RUNX1T1: variants seen among roughly 807,000 people sequenced by gnomAD.
RUNX1T1 encodes RUNX1 partner transcriptional co-repressor 1, also known as protein CBFA2T1.
A neutral mutation model predicts 62.8 loss-of-function variants in RUNX1T1; 4 were observed. The ratio of observed to expected loss-of-function variants is 0.06; its 90% confidence interval spans 0.03 to 0.15. RUNX1T1 has a LOEUF of 0.15. Among genes scored for constraint, RUNX1T1 ranks in the 10% least tolerant of loss-of-function variants. RUNX1T1 has a pLI of 1.00. For synonymous variants in RUNX1T1, 291 were observed against 286.0 expected (o/e 1.02, Z -0.18); for missense variants, 508 against 754.3 (o/e 0.67, Z 3.82).
chr8:92,009,177 CA>C (rs1215843564), intron 4 of RUNX1T1, among the ~76,000 whole-genome samples: 1 of 152,134 alleles, frequency 6.6e-6, no homozygotes, highest in Non-Finnish European at 1.5e-5. Flanking sequence ...TATGGTAATA[CA>C]AAGCAATTTT....
chr8:91,994,823 G>A (rs771808090), intron 5 of RUNX1T1, among the ~76,000 whole-genome samples: 6 of 152,264 alleles, frequency 3.9e-5, no homozygotes, highest in Admixed American at 6.5e-5. Flanking sequence ...AAAAGTCTGC[G>A]GCTAAAATCA....
intron 2 of RUNX1T1, among the ~76,000 whole-genome samples, chr8:92,015,888 T>A (rs1822893239): frequency 6.6e-6 from 1 of 152,202 alleles, no homozygotes; most frequent in Non-Finnish European, 1.5e-5. Flanking sequence ...AGGAGACATA[T>A]GCTTACCCCT....
chr8:91,960,336 C>A (rs1810162926), exon 11 of RUNX1T1: 2 of 1,613,328 alleles, frequency 1.2e-6, no homozygotes, highest in South Asian at 1.1e-5. Context: ...CCCAGCCCCG[C>A]TGTTGGGCGT....
intron 1 of RUNX1T1, among the ~76,000 whole-genome samples, chr8:92,032,250 CAAT>C (rs1826405126): frequency 1.3e-5 from 2 of 150,020 alleles, no homozygotes; most frequent in Non-Finnish European, 3.0e-5. Flanking sequence ...ATTTAGTATA[CAAT>C]AATTTCTCAT....
At chr8:92,030,787 C>G (rs1826072255) in intron 1 of RUNX1T1, among the ~76,000 whole-genome samples, 1 of 152,218 alleles carries the variant, frequency 6.6e-6, no homozygotes, top group South Asian at 2.1e-4. Flanking sequence ...CAATGGAATT[C>G]TCTTGGACCC....
intron 1 of RUNX1T1, among the ~76,000 whole-genome samples, chr8:92,019,428 G>A (rs139706705): frequency 4.6e-5 from 7 of 152,022 alleles, no homozygotes; most frequent in African/African-American, 1.4e-4. Flanking sequence ...GAGGGGGAGG[G>A]GAAGTGGGAG....
chr8:91,984,859 A>T (rs879484538), intron 8 of RUNX1T1, among the ~76,000 whole-genome samples: 14 of 152,226 alleles, frequency 9.2e-5, no homozygotes, highest in Non-Finnish European at 1.8e-4. Context: ...GACCTGACAA[A>T]TACAATTTTG....
At chr8:92,048,688 T>G (rs1829787356) in intron 1 of RUNX1T1, among the ~76,000 whole-genome samples, 3 of 151,994 alleles carry the variant, frequency 2.0e-5, no homozygotes, top group African/African-American at 2.4e-5. Context: ...TTAAGTACAT[T>G]GTATCTCGTA....
chr8:91,967,174 TG>T (rs1811812125), intron 10 of RUNX1T1, among the ~76,000 whole-genome samples: 1 of 152,182 alleles, frequency 6.6e-6, no homozygotes, highest in African/African-American at 2.4e-5. Context: ...ATACCATGCC[TG>T]GTTCAGAGTT....
chr8:92,013,162 T>G (rs1822312358), intron 3 of RUNX1T1, among the ~76,000 whole-genome samples: 1 of 152,176 alleles, frequency 6.6e-6, no homozygotes, highest in African/African-American at 2.4e-5. Context: ...TCTAACTTAT[T>G]TACATGTTAA....
intron 1 of RUNX1T1, among the ~76,000 whole-genome samples, chr8:92,060,506 G>A (rs1293764221): frequency 7.7e-6 from 1 of 130,428 alleles, no homozygotes; most frequent in Non-Finnish European, 1.6e-5. Flanking sequence ...AATTAGTTCT[G>A]ATACTTCAAC....
At chr8:92,000,807 C>T (rs977109530) in intron 5 of RUNX1T1, among the ~76,000 whole-genome samples, 1 of 152,118 alleles carries the variant, frequency 6.6e-6, no homozygotes, top group Non-Finnish European at 1.5e-5. Context: ...GAATGTTATA[C>T]TATGGCATCT....
At chr8:92,076,601 C>T (rs1301348893) in intron 1 of RUNX1T1, among the ~76,000 whole-genome samples, 5 of 151,920 alleles carry the variant, frequency 3.3e-5, no homozygotes, top group South Asian at 2.1e-4. Flanking sequence ...AATTTTGTTT[C>T]GCTGTTCTGA....
intron 7 of RUNX1T1, 80 bp downstream of exon 8, chr8:91,986,807 A>G (rs1441533324): frequency 1.1e-6 from 1 of 935,390 alleles, no homozygotes; most frequent in Non-Finnish European, 1.7e-6. Flanking sequence ...AAGGATCACC[A>G]AGCTTTTATT....
At chr8:92,071,817 G>A (rs1226467307) in intron 2 of RUNX1T1, among the ~76,000 whole-genome samples, 1 of 152,134 alleles carries the variant, frequency 6.6e-6, no homozygotes, top group African/African-American at 2.4e-5. Flanking sequence ...GCGGCTCCAT[G>A]GTTCTGCATA....
At chr8:92,038,539 G>A (rs946820992) in intron 1 of RUNX1T1, among the ~76,000 whole-genome samples, 1 of 152,088 alleles carries the variant, frequency 6.6e-6, no homozygotes, top group African/African-American at 2.4e-5. Flanking sequence ...CAGGACACAG[G>A]AAATGAAGAA....
chr8:92,014,473 A>C lies in RUNX1T1; in HGVS notation c.387+106T>G, dbSNP rs188796953. The C allele has an allele frequency of 1.1e-3, 1,177 of 1,053,196 alleles. 2 individuals carry two copies. Among genetic ancestry groups the C allele is most frequent in the Middle Eastern group, 1.9e-3 (6 of 3,178 alleles). The allele number at this position is 1,053,196 out of a possible 1,614,324, so 65.2% of individuals were successfully genotyped here. On this transcript the variant is annotated intron_variant, in intron 3 of 10. Transcript: ENST00000396218. ...ACTTGCACACAATCTTCAGATGTAG[A>C]AACTATTATAACAAAATACTTGCGA...
At chr8:92,049,872 T>C (rs963849832) in intron 1 of RUNX1T1, among the ~76,000 whole-genome samples, 2 of 152,202 alleles carry the variant, frequency 1.3e-5, no homozygotes. Context: ...ATTAAGTGCA[T>C]AATTTAGGCA....
intron 8 of RUNX1T1, among the ~76,000 whole-genome samples, chr8:91,976,776 A>C (rs1814050983): frequency 6.6e-6 from 1 of 152,350 alleles, no homozygotes; most frequent in African/African-American, 2.4e-5. Context: ...AAGTAAACAA[A>C]GTGTATACCG....
Sources: allele counts gnomAD v4.1 joint callset (sites outside exome capture counted in the v4.1 genomes callset), GRCh38; gene constraint gnomAD v4.1.1; transcripts MANE v1.5; gene names NCBI Gene and HGNC (gene_info 2026-07-23, HGNC 2026-07-21).